The following TM2D1 variants were observed in gnomAD, a reference collection of about 807,000 sequenced individuals.
The protein encoded by TM2D1 is TM2 domain-containing protein 1.
In TM2D1, 15 loss-of-function variants were observed where a neutral mutation model predicts 28.4. The ratio of observed to expected loss-of-function variants is 0.53; its 90% CI spans 0.35 to 0.81. The LOEUF (loss-of-function observed/expected upper bound fraction) is 0.81. Ranked by LOEUF, TM2D1 falls within the 40% of genes least tolerant of loss-of-function variation. The pLI, the probability that TM2D1 is intolerant of heterozygous loss-of-function variation, is 0.01. For synonymous variants in TM2D1, 93 were observed against 96.2 expected (o/e 0.97, Z 0.20); for missense variants, 236 against 254.9 (o/e 0.93, Z 0.50).
chr1:61,717,309 A>C (rs2148066542), intron 2 of TM2D1, among the ~76,000 whole-genome samples: 1 of 152,100 alleles, frequency 6.6e-6, no homozygotes, highest in East Asian at 1.9e-4. Context: ...CAGAGCTTGC[A>C]GTGAGCCGAG....
intron 5 of TM2D1, among the ~76,000 whole-genome samples, chr1:61,689,637 T>C (rs771123859): frequency 1.7e-4 from 26 of 152,292 alleles, no homozygotes; most frequent in Non-Finnish European, 1.6e-4. Context: ...CCTCCCAAAG[T>C]GCTGAAACTA....
At chr1:61,713,734 T>TA (rs1201166566) in intron 2 of TM2D1, among the ~76,000 whole-genome samples, 3 of 152,120 alleles carry the variant, frequency 2.0e-5, no homozygotes, top group Non-Finnish European at 4.4e-5. Context: ...GCAGATTATC[T>TA]AAAATCAGGT....
intron 3 of TM2D1, among the ~76,000 whole-genome samples, chr1:61,707,986 G>A (rs778973347): frequency 2.6e-5 from 4 of 152,076 alleles, no homozygotes; most frequent in Non-Finnish European, 5.9e-5. Flanking sequence ...CATGTTTTTA[G>A]TACAAAGCAG....
At chr1:61,724,042 T>C (rs1644587197) in intron 1 of TM2D1, among the ~76,000 whole-genome samples, 1 of 152,164 alleles carries the variant, frequency 6.6e-6, no homozygotes, top group Non-Finnish European at 1.5e-5. Context: ...CTACAAATAA[T>C]ATAATAATAC....
intron 2 of TM2D1, among the ~76,000 whole-genome samples, chr1:61,720,600 C>T (rs529239210): frequency 6.6e-6 from 1 of 151,946 alleles, no homozygotes; most frequent in South Asian, 2.1e-4. Flanking sequence ...ACCTATACCA[C>T]CAAGCAGATG....
At chr1:61,700,411 T>C in intron 4 of TM2D1, 1 of 1,139,666 alleles carries the variant, frequency 8.8e-7, no homozygotes, top group Non-Finnish European at 1.1e-6. Context: ...GTAACTATAG[T>C]AAATGTGATT....
intron 3 of TM2D1, among the ~76,000 whole-genome samples, chr1:61,707,012 TGAGAG>T (rs1644446512): frequency 6.6e-6 from 1 of 152,154 alleles, no homozygotes; most frequent in African/African-American, 2.4e-5. Context: ...CCCAGCACCT[TGAGAG>T]CCCGAGGCGG....
chr1:61,718,582 G>A (rs192262104), intron 2 of TM2D1, among the ~76,000 whole-genome samples: 151 of 152,208 alleles, frequency 9.9e-4, no homozygotes, highest in Non-Finnish European at 1.7e-3. Context: ...ATTATTTATA[G>A]TTGCAAAGAA....
intron 2 of TM2D1, among the ~76,000 whole-genome samples, chr1:61,714,844 C>T (rs1041102642): frequency 6.6e-6 from 1 of 152,210 alleles, no homozygotes; most frequent in Non-Finnish European, 1.5e-5. Flanking sequence ...GCCCAGCCAA[C>T]AGTATCTATT....
In TM2D1 at chr1:61,700,921, G is replaced by T; in HGVS notation, c.439+13C>A. 6.3e-7 allele frequency: 1 copy of T among 1,582,990 alleles called. No homozygotes were observed. On this transcript the variant is annotated intron_variant, in intron 4 of 6. Transcript: ENST00000606498. ...GGTTTCATAAGGATTTTTTTTTAAT[G>T]AAACATACGCACCCAAAGCAGGGTA...
At chr1:61,691,061 T>C (rs1557526775) in intron 5 of TM2D1, among the ~76,000 whole-genome samples, 1 of 152,204 alleles carries the variant, frequency 6.6e-6, no homozygotes, top group Non-Finnish European at 1.5e-5. Context: ...TTCCAATAAC[T>C]TTCTGTATTG....
intron 2 of TM2D1, among the ~76,000 whole-genome samples, chr1:61,716,129 T>C (rs1455255619): frequency 6.6e-6 from 1 of 151,390 alleles, no homozygotes; most frequent in Non-Finnish European, 1.5e-5. Context: ...AAGACAAGCC[T>C]GGGCAACATA....
chr1:61,704,398 C>CA (rs1450982370), intron 3 of TM2D1, among the ~76,000 whole-genome samples: 2 of 151,598 alleles, frequency 1.3e-5, no homozygotes, highest in Non-Finnish European at 2.9e-5. Context: ...CACTATAAGC[C>CA]AAAAAAAGAA....
intron 2 of TM2D1, among the ~76,000 whole-genome samples, chr1:61,721,541 CA>C (rs34211826): frequency 0.67 from 74,477 of 111,156 alleles, 21,525 homozygotes; most frequent in South Asian, 0.72. Context: ...GACTCTGTCT[CA>C]AAAAAAAAAA....
At chr1:61,714,099 G>A (rs1225763403) in intron 2 of TM2D1, among the ~76,000 whole-genome samples, 33 of 145,516 alleles carry the variant, frequency 2.3e-4, no homozygotes, top group Non-Finnish European at 4.5e-5. Flanking sequence ...GTTTCACCTT[G>A]TTAGCCAGGA....
At chr1:61,686,804 C>T in intron 5 of TM2D1, 1 of 973,184 alleles carries the variant, frequency 1.0e-6, no homozygotes, top group Non-Finnish European at 1.2e-6. Context: ...TTTAAAATAT[C>T]CCATACTGGA....
intron 4 of TM2D1, chr1:61,700,290 T>C: frequency 6.8e-7 from 1 of 1,463,696 alleles, no homozygotes; most frequent in Non-Finnish European, 9.0e-7. Flanking sequence ...AAAGAGGATT[T>C]AAAGAGGATG....
At chr1:61,722,990 G>A (rs936749325) in intron 2 of TM2D1, among the ~76,000 whole-genome samples, 2 of 152,158 alleles carry the variant, frequency 1.3e-5, no homozygotes, top group African/African-American at 4.8e-5. Context: ...CAAAGGAAAT[G>A]ACACAACTAA....
intron 3 of TM2D1, among the ~76,000 whole-genome samples, chr1:61,705,313 G>A (rs1407709135): frequency 6.6e-6 from 1 of 152,068 alleles, no homozygotes; most frequent in Admixed American, 6.6e-5. Context: ...CAGCTCCTGA[G>A]TAGCTGGGAT....
Sources: allele counts gnomAD v4.1 joint callset (sites outside exome capture counted in the v4.1 genomes callset), GRCh38; gene constraint gnomAD v4.1.1; transcripts MANE v1.5; gene names NCBI Gene and HGNC (gene_info 2026-07-23, HGNC 2026-07-21).